Variants in RFFL observed in about 807,000 individuals in gnomAD.
The protein encoded by RFFL is E3 ubiquitin-protein ligase rififylin.
RFFL carries 16 observed loss-of-function variants against 40.4 expected under a neutral mutation model. That is an observed-to-expected ratio of 0.40 (90% CI 0.27 to 0.60). The LOEUF is 0.60. RFFL is among the 20% of genes least tolerant of loss of function. The pLI, the probability that RFFL is intolerant of heterozygous loss-of-function variation, is 0.47. For missense variants in RFFL, 367 were observed against 451.7 expected (o/e 0.81, Z 1.70); for synonymous variants, 154 against 167.9 (o/e 0.92, Z 0.64).
chr17:35,058,724 T>C (rs901148982), intron 1 of RFFL, among the ~76,000 whole-genome samples: 12 of 152,086 alleles, frequency 7.9e-5, no homozygotes, highest in Admixed American at 2.0e-4. Flanking sequence ...TGAGCCGAGA[T>C]TGCGCCACTG....
intron 1 of RFFL, among the ~76,000 whole-genome samples, chr17:35,040,159 A>T (rs2091154367): frequency 6.6e-6 from 1 of 151,942 alleles, no homozygotes; most frequent in Non-Finnish European, 1.5e-5. Context: ...CCCTCTAAAC[A>T]TCTCTTAGCT....
At chr17:35,053,441 A>G (rs547459924) in intron 1 of RFFL, among the ~76,000 whole-genome samples, 22 of 152,348 alleles carry the variant, frequency 1.4e-4, no homozygotes, top group African/African-American at 5.0e-4. Flanking sequence ...AAGAAATACT[A>G]GAGATAGGTG....
At chr17:35,014,424 A>G (rs1028223599) in intron 6 of RFFL, among the ~76,000 whole-genome samples, 1 of 152,196 alleles carries the variant, frequency 6.6e-6, no homozygotes, top group African/African-American at 2.4e-5. Context: ...ATTTTAAAAA[A>G]TGAGCTGAGT....
intron 1 of RFFL, among the ~76,000 whole-genome samples, chr17:35,050,696 T>C (rs1378095448): frequency 2.0e-5 from 3 of 150,142 alleles, no homozygotes; most frequent in Non-Finnish European, 4.4e-5. Flanking sequence ...AATAAAAGGA[T>C]GGAGGCCAGG....
upstream of RFFL, among the ~76,000 whole-genome samples, chr17:35,068,322 T>C (rs1267260802): frequency 1.3e-5 from 2 of 152,180 alleles, no homozygotes; most frequent in Non-Finnish European, 2.9e-5. Flanking sequence ...ACAGTAACAT[T>C]TGGAAGCACA....
intron 1 of RFFL, among the ~76,000 whole-genome samples, chr17:35,039,064 A>G (rs2091145223): frequency 6.6e-6 from 1 of 151,884 alleles, no homozygotes; most frequent in Admixed American, 6.6e-5. Context: ...GCGCACCACC[A>G]CACCTAATTT....
intron 1 of RFFL, among the ~76,000 whole-genome samples, chr17:35,050,241 C>G (rs903765868): frequency 6.6e-6 from 1 of 151,606 alleles, no homozygotes; most frequent in Non-Finnish European, 1.5e-5. Flanking sequence ...GAGACCCAGT[C>G]TCAAAAAATA....
At chr17:35,022,724 T>C (rs1242918391) in intron 2 of RFFL, among the ~76,000 whole-genome samples, 1 of 152,166 alleles carries the variant, frequency 6.6e-6, no homozygotes, top group African/African-American at 2.4e-5. Flanking sequence ...CACTGCTCCA[T>C]CGACACAGGC....
chr17:35,034,012 G>A (rs147503321), intron 1 of RFFL, among the ~76,000 whole-genome samples: 3,273 of 151,744 alleles, frequency 0.022, 171 homozygotes, highest in African/African-American at 0.076. Context: ...ACGTGGTGGC[G>A]GGCGCCTGTA....
chr17:35,080,325 G>A (rs889779681), intron 1 of RFFL, among the ~76,000 whole-genome samples: 2 of 152,110 alleles, frequency 1.3e-5, no homozygotes, highest in Non-Finnish European at 2.9e-5. Flanking sequence ...TATTTCTCAG[G>A]CACATATTTT....
intron 6 of RFFL, 152 bp from the exon 7 acceptor site, chr17:35,012,301 C>T (rs771544654): frequency 3.2e-5 from 20 of 634,560 alleles, no homozygotes; most frequent in Middle Eastern, 4.2e-4. Context: ...AGAGCTCCTC[C>T]GAGGAAACAT....
At chr17:35,062,682 C>G (rs141008398) in intron 1 of RFFL, among the ~76,000 whole-genome samples, 4 of 152,078 alleles carry the variant, frequency 2.6e-5, no homozygotes. Context: ...TGTAAAAGAA[C>G]GCTTACATAT....
At chr17:35,082,123 T>C (rs1674974509) in intron 1 of RFFL, among the ~76,000 whole-genome samples, 1 of 152,230 alleles carries the variant, frequency 6.6e-6, no homozygotes, top group Non-Finnish European at 1.5e-5. Flanking sequence ...ATCAGCTTTT[T>C]TAACATCCTG....
intron 1 of RFFL, among the ~76,000 whole-genome samples, chr17:35,078,173 C>A (rs2091386330): frequency 1.3e-5 from 2 of 151,770 alleles, no homozygotes; most frequent in South Asian, 4.2e-4. Context: ...TTTACAAGCA[C>A]CTAGGAGATT....
chr17:35,029,757 T>G (rs1345346497), intron 1 of RFFL, among the ~76,000 whole-genome samples: 1 of 151,588 alleles, frequency 6.6e-6, no homozygotes, highest in African/African-American at 2.4e-5. Flanking sequence ...TAGTTACATA[T>G]GTATATATGT....
At chr17:35,027,809 G>T (rs1034666530) in intron 1 of RFFL, among the ~76,000 whole-genome samples, 1 of 151,960 alleles carries the variant, frequency 6.6e-6, no homozygotes, top group Non-Finnish European at 1.5e-5. Flanking sequence ...AAGGCGGGTG[G>T]ATCACCTGAG....
At chr17:35,082,349 T>C (rs1434026143) in intron 1 of RFFL, among the ~76,000 whole-genome samples, 6 of 152,188 alleles carry the variant, frequency 3.9e-5, no homozygotes, top group African/African-American at 1.4e-4. Context: ...GGATGTCAGG[T>C]GCTACTTAAT....
At chr17:35,043,416 T>C (rs1041437757) in intron 1 of RFFL, among the ~76,000 whole-genome samples, 3 of 152,144 alleles carry the variant, frequency 2.0e-5, no homozygotes, top group South Asian at 2.1e-4. Flanking sequence ...AGACATTCAG[T>C]AAATAGCCGT....
intron 1 of RFFL, among the ~76,000 whole-genome samples, chr17:35,046,966 A>G (rs1397714317): frequency 6.6e-6 from 1 of 152,254 alleles, no homozygotes; most frequent in East Asian, 1.9e-4. Flanking sequence ...AAGTCTTCTA[A>G]CAACGCTGAA....
Sources: gnomAD v4.1 joint callset for allele counts (sites outside exome capture counted in the v4.1 genomes callset) on GRCh38, gnomAD v4.1.1 for gene constraint, MANE v1.5 for transcripts, NCBI Gene and HGNC (gene_info 2026-07-23, HGNC 2026-07-21) for gene names.